The following CPZ variants were observed in gnomAD, a reference collection of about 807,000 sequenced individuals.
CPZ encodes VEZT/CPZ fusion.
In CPZ, 103 loss-of-function variants were observed where a neutral mutation model predicts 61.8. That is an observed-to-expected ratio of 1.67 (90% CI 1.42 to 1.96). The LOEUF is 1.96. Ranked by LOEUF, CPZ falls within the 30% of genes most tolerant of loss-of-function variation. The pLI, the probability that CPZ is intolerant of heterozygous loss-of-function variation, is 0.00. For missense variants in CPZ, 1,461 were observed against 914.9 expected (o/e 1.60, Z -7.70); for synonymous variants, 551 against 373.7 (o/e 1.47, Z -5.47).
intron 1 of CPZ, among the ~76,000 whole-genome samples, chr4:8,598,283 C>A (rs987242926): frequency 6.6e-6 from 1 of 152,194 alleles, no homozygotes; most frequent in Non-Finnish European, 1.5e-5. Flanking sequence ...AGGAAGTTCC[C>A]GAGGGTGGGA....
intron 9 of CPZ, 146 bp from the exon 10 acceptor site, chr4:8,618,283 A>G: frequency 1.5e-6 from 1 of 668,906 alleles, no homozygotes; most frequent in East Asian, 2.7e-5. Flanking sequence ...TAAAGATGGC[A>G]GAGCGAGGGC....
chr4:8,618,380 C>T (rs1560305840), intron 9 of CPZ, 49 bp from the exon 10 acceptor site: 3 of 1,581,780 alleles, frequency 1.9e-6, no homozygotes, highest in Admixed American at 3.3e-5. Context: ...CCTCCACGCT[C>T]AGCAGGAGAG....
Position 8,612,087 on chromosome 4 carries a change from G to A in CPZ, c.1288G>A (p.Glu430Lys). Residue 430 changes from glutamate (E) to lysine (K), a missense_variant, in exon 8 of 11, where the codon GAG becomes AAG. Glu to Lys is a moderately conservative substitution (Grantham distance 56). Coordinates refer to ENST00000360986, the MANE Select transcript of CPZ (RefSeq NM_001014447.3). ...DVHPMMMDRS[E>K]NRCGGNFLKR... Reference sequence around the variant, plus strand: ...CCACCCCATGATGATGGACAGGTCGGAGAATAGGTGTGGAGGCAATTTCCT... The same window carrying A: ...CCACCCCATGATGATGGACAGGTCGAAGAATAGGTGTGGAGGCAATTTCCT... 2 of 1,612,870 alleles carry A rather than the reference G, an allele frequency of 1.2e-6. No individual in the cohort carries two copies. The highest frequency in any genetic ancestry group is 1.7e-6 in the Non-Finnish European group (2 of 1,179,402).
chr4:8,597,541 C>G (rs1215917229), intron 1 of CPZ: 1 of 152,248 alleles, frequency 6.6e-6, no homozygotes, highest in African/African-American at 2.4e-5. Flanking sequence ...GGGACTCAAG[C>G]TCCTCTGTGC....
intron 1 of CPZ, among the ~76,000 whole-genome samples, chr4:8,599,178 C>G (rs76061608): frequency 0.017 from 2,545 of 152,342 alleles, 66 homozygotes; most frequent in African/African-American, 0.057. Context: ...TGGCCCAGCC[C>G]CGGGCTTCGA....
intron 3 of CPZ, 80 bp downstream of exon 3, chr4:8,601,577 T>C (rs1714579911): frequency 1.5e-6 from 2 of 1,358,116 alleles, no homozygotes; most frequent in Non-Finnish European, 1.9e-6. Context: ...TGGAAGGAAC[T>C]TGAGGGCTTT....
chr4:8,603,827 G>A, intron 3 of CPZ, 149 bp from the exon 4 acceptor site: 1 of 696,732 alleles, frequency 1.4e-6, no homozygotes, highest in Non-Finnish European at 2.5e-6. Flanking sequence ...TGTAGGCACT[G>A]CAGAGGGAAC....
In CPZ at chr4:8,619,206, C is replaced by T. The variant is rs775793910; in HGVS notation, c.1604-56C>T. 6 of 1,466,850 alleles carry T rather than the reference C, an allele frequency of 4.1e-6. No homozygotes were observed. In the African/African-American group the frequency reaches 8.4e-5, roughly 21 times the overall value. 90.9% of individuals were successfully genotyped at this position (1,466,850 alleles called of 1,614,324 possible). On this transcript the variant is annotated intron_variant, in intron 10 of 10. Coordinates refer to ENST00000360986, the MANE Select transcript of CPZ (RefSeq NM_001014447.3). Reference sequence around the variant, plus strand: ...CCCACTCATATCCATCACCCATCACCCCGTGGCTGGGTCTGCAGTCCTCGT... The same window carrying T: ...CCCACTCATATCCATCACCCATCACTCCGTGGCTGGGTCTGCAGTCCTCGT...
At chr4:8,618,630 A>C (rs1716417195) in intron 10 of CPZ, 102 bp downstream of exon 10, 2 of 1,106,194 alleles carry the variant, frequency 1.8e-6, no homozygotes, top group Non-Finnish European at 2.6e-6. Context: ...CCCAGCCCTC[A>C]GCAGGATGGC....
At chr4:8,611,843 T>C (rs1715723372) in intron 7 of CPZ, among the ~76,000 whole-genome samples, 184 bp from the exon 8 acceptor site, 1 of 152,046 alleles carries the variant, frequency 6.6e-6, no homozygotes. Flanking sequence ...GACCCACCTC[T>C]GGGCCTTCAC....
At chr4:8,617,425 G>A (rs1194374490) in intron 9 of CPZ, among the ~76,000 whole-genome samples, 3 of 152,208 alleles carry the variant, frequency 2.0e-5, no homozygotes, top group Non-Finnish European at 4.4e-5. Context: ...GCTGCTTCCT[G>A]ACCCTGTGGG....
intron 7 of CPZ, among the ~76,000 whole-genome samples, chr4:8,611,687 C>T (rs1458648097): frequency 6.6e-6 from 1 of 152,128 alleles, no homozygotes; most frequent in African/African-American, 2.4e-5. Context: ...GTCAAGCCAA[C>T]CTGCACACAC....
intron 9 of CPZ, among the ~76,000 whole-genome samples, chr4:8,617,204 A>C (rs1383992760): frequency 6.6e-6 from 1 of 152,214 alleles, no homozygotes; most frequent in Non-Finnish European, 1.5e-5. Flanking sequence ...TAGAGTTCAC[A>C]TGCTTGCTGA....
At chr4:8,603,748 A>G (rs77204838) in intron 3 of CPZ, 13,778 of 578,126 alleles carry the variant, frequency 0.024, 1,201 homozygotes, top group African/African-American at 0.21. Flanking sequence ...ATGTTTACTC[A>G]CAGTCACGTT....
chr4:8,606,629 G>A (rs983021142), intron 5 of CPZ, 108 bp from the exon 6 acceptor site: 6 of 1,417,144 alleles, frequency 4.2e-6, no homozygotes, highest in African/African-American at 4.2e-5. Flanking sequence ...AAAGCCGGGG[G>A]AAACCGCAGC....
chr4:8,601,429 T>G lies in CPZ; in HGVS notation c.428T>G (p.Phe143Cys). 1 of 1,563,272 alleles carries G rather than the reference T, an allele frequency of 6.4e-7. No individual in the cohort carries two copies. The highest frequency in any genetic ancestry group is 8.7e-7 in the Non-Finnish European group (1 of 1,153,174). The change falls in exon 3 of 11, where the codon TTC becomes TGC. Residue 143 changes from phenylalanine to cysteine, a missense_variant. By Grantham distance (205) the Phe-to-Cys change is radical (BLOSUM62 -2). Transcript: ENST00000360986. Reference sequence around the variant, plus strand: ...GCCATTGACATGGCCTGGCCCTACTTCCTTGACTGCCACCGCTACTTCACG... The same window carrying G: ...GCCATTGACATGGCCTGGCCCTACTGCCTTGACTGCCACCGCTACTTCACG... ...FDAIDMAWPY[F>C]LDCHRYFTRE... is the part of the protein sequence containing the mutation.
intron 7 of CPZ, among the ~76,000 whole-genome samples, chr4:8,609,036 C>CT (rs1715299522): frequency 6.9e-6 from 1 of 145,470 alleles, no homozygotes; most frequent in Non-Finnish European, 1.5e-5. Context: ...CCTTCACTCA[C>CT]CCATTCACTC....
chr4:8,618,228 G>A (rs1577131911), intron 9 of CPZ: 4 of 591,654 alleles, frequency 6.8e-6, no homozygotes, highest in South Asian at 4.0e-5. Flanking sequence ...CGGGTCAATT[G>A]CCAGGGAGGA....
chr4:8,608,640 A>ATGTGTGTGTGTGTGTATG (rs1715254391), intron 7 of CPZ, among the ~76,000 whole-genome samples: 2 of 2,132 alleles, frequency 9.4e-4, no homozygotes, highest in Admixed American at 4.9e-3. Context: ...CTGTGAGTGC[A>ATGTGTGTGTGTGTGTATG]CGTGTGTGCG....
Sources: gnomAD v4.1 joint callset for allele counts (sites outside exome capture counted in the v4.1 genomes callset) on GRCh38, gnomAD v4.1.1 for gene constraint, MANE v1.5 for transcripts, NCBI Gene and HGNC (gene_info 2026-07-23, HGNC 2026-07-21) for gene names.